The following TRPM6 variants were observed in gnomAD, a reference collection of about 807,000 sequenced individuals.
TRPM6 encodes the protein transient receptor potential cation channel subfamily M member 6.
TRPM6 carries 111 observed loss-of-function variants against 247.6 expected under a neutral mutation model. That is an observed-to-expected ratio of 0.45 (90% CI 0.38 to 0.52). TRPM6 has a LOEUF of 0.52. Among genes scored for constraint, TRPM6 ranks in the 20% least tolerant of loss-of-function variants. TRPM6 has a pLI of 0.00. For missense variants in TRPM6, 2,126 were observed against 2,421.5 expected (o/e 0.88, Z 2.56); for synonymous variants, 892 against 853.8 (o/e 1.04, Z -0.78).
In TRPM6 at chr9:74,812,441, A is replaced by T. The variant is rs542980829; in HGVS notation, c.1309-8T>A. On this transcript the variant is annotated splice_polypyrimidine_tract_variant and splice_region_variant and intron_variant, in intron 11 of 38. Transcript: ENST00000360774. Reference sequence around the variant, plus strand: ...TTGTTCCAGGGCATCAGGCTTCAGAAAGCACAAATAAGAAATATAAAGACA... The same window carrying T: ...TTGTTCCAGGGCATCAGGCTTCAGATAGCACAAATAAGAAATATAAAGACA... The T allele has an allele frequency of 6.2e-7, 1 of 1,613,336 alleles. No homozygotes were observed. The highest frequency in any genetic ancestry group is 2.2e-5 in the East Asian group (1 of 44,858).
chr9:74,788,706 T>C lies in TRPM6; in HGVS notation c.2575A>G (p.Thr859Ala). The change falls in exon 20 of 39, where the codon ACC becomes GCC. Residue 859 changes from threonine (T) to alanine (A), a missense_variant. Around this residue, in one of 3 missense-constraint regions of TRPM6, gnomAD observed 1,082 missense variants for 1,307.9 expected, o/e 0.83. Coordinates refer to ENST00000360774, the MANE Select transcript of TRPM6 (RefSeq NM_017662.5). ...TGGGGCTGCATCTCCACCAACACGG[T>C]GTAAGTGAACAGCATGAGGAATGCC... is the stretch of plus-strand genomic sequence containing the variant. ...YLAFLMLFTY[T>A]VLVEMQPQPS... 6.2e-7 allele frequency: 1 copy of C among 1,614,034 alleles called. No individual in the cohort carries two copies. The highest frequency in any genetic ancestry group is 8.5e-7 in the Non-Finnish European group (1 of 1,179,952).
chr9:74,739,254 T>C (rs780971917), intron 35 of TRPM6, 113 bp downstream of exon 35: 11 of 1,064,492 alleles, frequency 1.0e-5, no homozygotes, highest in Non-Finnish European at 1.6e-5. Context: ...AATCCAAAAA[T>C]AAGATCATGG....
chr9:74,725,620 A>C (rs1825291965), intron 38 of TRPM6, among the ~76,000 whole-genome samples: 1 of 152,030 alleles, frequency 6.6e-6, no homozygotes, highest in African/African-American at 2.4e-5. Context: ...GTCTCACAAG[A>C]TCTGATAGTT....
At chr9:74,752,226 T>C in intron 29 of TRPM6, 51 bp downstream of exon 29, 2 of 1,032,596 alleles carry the variant, frequency 1.9e-6, no homozygotes, top group Non-Finnish European at 3.0e-6. Flanking sequence ...TAGTCAAGAG[T>C]AGCACTGCAT....
chr9:74,787,492 T>C (rs1000597307), intron 20 of TRPM6, among the ~76,000 whole-genome samples: 4 of 152,182 alleles, frequency 2.6e-5, no homozygotes, highest in Admixed American at 1.3e-4. Context: ...GATAACTATC[T>C]GTTTCTCTCC....
At position 74,792,789 on chromosome 9, in the gene TRPM6, A is replaced by T. The variant is rs768108375; in HGVS notation, c.2392-19T>A. 18 of 1,608,484 alleles carry T rather than the reference A, an allele frequency of 1.1e-5. No homozygotes were observed. The East Asian group carries it at 4.0e-4, about 36-fold the overall frequency. On this transcript the variant is annotated intron_variant, in intron 18 of 38. Transcript: ENST00000360774. Reference sequence around the variant, plus strand: ...ACTCTTTCTATAAAATAAACAAATAATCATTTTCTTGTCAGCAGCTTAACT... The same window carrying T: ...ACTCTTTCTATAAAATAAACAAATATTCATTTTCTTGTCAGCAGCTTAACT...
At chr9:74,746,048 C>T (rs575291322) in intron 31 of TRPM6, among the ~76,000 whole-genome samples, 2 of 152,216 alleles carry the variant, frequency 1.3e-5, no homozygotes, top group Admixed American at 6.5e-5. Context: ...TGAGACCATC[C>T]TGGCTAACAC....
chr9:74,803,444 A>G (rs1828416114), intron 15 of TRPM6, among the ~76,000 whole-genome samples: 1 of 152,228 alleles, frequency 6.6e-6, no homozygotes. Context: ...AGAAGGAAAC[A>G]GACTTCACAT....
At chr9:74,838,006 T>C (rs913898788) in intron 5 of TRPM6, among the ~76,000 whole-genome samples, 4 of 152,116 alleles carry the variant, frequency 2.6e-5, no homozygotes, top group Non-Finnish European at 5.9e-5. Context: ...GCCCTCAGCT[T>C]CCCGAAAGGC....
Position 74,739,414 on chromosome 9 carries a change from G to A in TRPM6, c.5523C>T (p.Ile1841=), listed in dbSNP as rs748403407. ...GTGGTTTCACTTGGTTGAAGGTATA[G>A]ATCAATTTTTGAGCAGCTCTTTGTT... ...IQQQRAAQKL[I]YTFNQVKPQT... is the part of the protein sequence containing the mutation. The change falls in exon 35 of 39, where the codon ATC becomes ATT. Residue 1841 remains isoleucine (I), a synonymous_variant. Transcript: ENST00000360774. 1.9e-6 allele frequency: 3 copies of A among 1,614,112 alleles called. No homozygotes were observed. Among genetic ancestry groups the A allele is most frequent in the Non-Finnish European group, 2.5e-6 (3 of 1,180,002 alleles).
At chr9:74,729,347 C>CT (rs1483670257) in intron 37 of TRPM6, among the ~76,000 whole-genome samples, 4 of 152,274 alleles carry the variant, frequency 2.6e-5, no homozygotes, top group African/African-American at 9.6e-5. Flanking sequence ...TAAAAATGGA[C>CT]TTTTTTCCAT....
chr9:74,792,004 G>A (rs1293693604), intron 19 of TRPM6, among the ~76,000 whole-genome samples: 3 of 152,210 alleles, frequency 2.0e-5, no homozygotes, highest in Non-Finnish European at 1.5e-5. Context: ...TGATCTGCCC[G>A]CCTCGGCCTC....
chr9:74,767,551 C>G (rs762745553), intron 25 of TRPM6, among the ~76,000 whole-genome samples: 14 of 152,188 alleles, frequency 9.2e-5, no homozygotes, highest in Non-Finnish European at 2.9e-5. Context: ...AAATATTCTC[C>G]CCTCTTTCCC....
chr9:74,750,702 C>T lies in TRPM6; in HGVS notation c.5019G>A (p.Leu1673=), dbSNP rs1365421105. 6.2e-7 allele frequency: 1 copy of T among 1,613,800 alleles called. No individual in the cohort carries two copies. The highest frequency in any genetic ancestry group is 1.3e-5 in the African/African-American group (1 of 74,912). ...TGAGGTTGGTGCTCCTGGAATTCCACAAAGAGTTTTTGCTGAGATCCTGAG... is the reference window on the plus strand; with the variant it reads ...TGAGGTTGGTGCTCCTGGAATTCCATAAAGAGTTTTTGCTGAGATCCTGAG... The part of the protein sequence containing the change: ...QSQEDLSKNS[L]WNSRSTNLNR... Residue 1673 remains leucine, a synonymous_variant, in exon 30 of 39, where the codon TTG becomes TTA. Transcript: ENST00000360774.
chr9:74,782,191 A>C (rs1827486952), intron 23 of TRPM6, among the ~76,000 whole-genome samples, 171 bp downstream of exon 23: 1 of 152,182 alleles, frequency 6.6e-6, no homozygotes, highest in East Asian at 1.9e-4. Flanking sequence ...ACTGTTTCCC[A>C]TGCTCCATGT....
chr9:74,754,227 C>A (rs939383681), intron 28 of TRPM6, among the ~76,000 whole-genome samples: 1 of 152,060 alleles, frequency 6.6e-6, no homozygotes. Context: ...TAAGCTCTCA[C>A]GCTATATCTA....
intron 24 of TRPM6, among the ~76,000 whole-genome samples, chr9:74,772,605 G>A (rs1193389899): frequency 6.6e-6 from 1 of 152,206 alleles, no homozygotes; most frequent in East Asian, 1.9e-4. Context: ...CTACTCAGGA[G>A]GCTGAGGCAG....
intron 36 of TRPM6, among the ~76,000 whole-genome samples, chr9:74,735,735 T>C (rs2118717692): frequency 6.6e-6 from 1 of 152,236 alleles, no homozygotes; most frequent in Non-Finnish European, 1.5e-5. Context: ...ACATGTAGGA[T>C]TTTTTAAGTG....
chr9:74,801,795 G>T (rs569435988), intron 16 of TRPM6, 103 bp downstream of exon 16: 2 of 1,416,654 alleles, frequency 1.4e-6, no homozygotes, highest in Admixed American at 1.7e-5. Context: ...ATGCATGGCG[G>T]TAAGTCCATT....
Sources: allele counts gnomAD v4.1 joint callset (sites outside exome capture counted in the v4.1 genomes callset), GRCh38; gene constraint gnomAD v4.1.1; regional missense constraint gnomAD v4.1.1; transcripts MANE v1.5; gene names NCBI Gene and HGNC (gene_info 2026-07-23, HGNC 2026-07-21).